TTC6: variants seen among roughly 807,000 people sequenced by gnomAD.
TTC6 encodes the protein tetratricopeptide repeat protein 6.
Under a neutral mutation model 210.4 loss-of-function variants are expected in TTC6, and 172 were observed. The ratio of observed to expected loss-of-function variants is 0.82; its 90% CI spans 0.72 to 0.93. The LOEUF is 0.93. TTC6 is among the 40% of genes least tolerant of loss of function. The pLI, the probability that TTC6 is intolerant of heterozygous loss-of-function variation, is 0.00. For synonymous variants in TTC6, 804 were observed against 819.6 expected, an observed-to-expected ratio of 0.98 and a Z score of 0.32; for missense variants, 2,414 against 2,318.1, an observed-to-expected ratio of 1.04 and a Z score of -0.85.
chr14:37,753,223 A>C (rs1185869287), exon 14 of TTC6: 8 of 1,530,192 alleles, frequency 5.2e-6, no homozygotes, highest in Non-Finnish European at 7.0e-6. Flanking sequence ...GATCACCAAA[A>C]TTCTCAAGCA....
intron 1 of TTC6, among the ~76,000 whole-genome samples, chr14:37,637,292 A>G (rs909793987): frequency 3.3e-5 from 5 of 152,238 alleles, no homozygotes; most frequent in Non-Finnish European, 7.3e-5. Flanking sequence ...GTCTGATCCA[A>G]AGGACAAATT....
intron 14 of TTC6, among the ~76,000 whole-genome samples, chr14:37,774,390 A>G (rs933543257): frequency 7.2e-5 from 11 of 152,082 alleles, no homozygotes; most frequent in Admixed American, 3.3e-4. Flanking sequence ...GGTGTTGAGT[A>G]TAGGTTTGTC....
intron 7 of TTC6, among the ~76,000 whole-genome samples, chr14:37,727,843 T>G (rs1481771478): frequency 7.0e-6 from 1 of 143,478 alleles, no homozygotes; most frequent in African/African-American, 2.5e-5. Flanking sequence ...TCTTAATCCT[T>G]ATTAGCGTAA....
intron 8 of TTC6, 63 bp from the exon 11 acceptor site, chr14:37,737,597 A>G: frequency 1.1e-6 from 1 of 917,832 alleles, no homozygotes; most frequent in Non-Finnish European, 1.6e-6. Flanking sequence ...CAAGTATTAT[A>G]TATTTTAGCT....
At chr14:37,764,078 T>A (rs527715899) in intron 14 of TTC6, among the ~76,000 whole-genome samples, 56 of 152,250 alleles carry the variant, frequency 3.7e-4, no homozygotes, top group Admixed American at 9.8e-4. Flanking sequence ...CACGTACTTG[T>A]GAATTTCCCA....
intron 1 of TTC6, among the ~76,000 whole-genome samples, chr14:37,652,230 T>A (rs1435911750): frequency 6.6e-6 from 1 of 152,112 alleles, no homozygotes; most frequent in African/African-American, 2.4e-5. Context: ...TTTTTATAGG[T>A]AAAAAATGAT....
At chr14:37,817,953 G>A (rs551856226) in intron 26 of TTC6, among the ~76,000 whole-genome samples, 13 of 152,262 alleles carry the variant, frequency 8.5e-5, no homozygotes, top group African/African-American at 2.4e-4. Flanking sequence ...GGAAAGGATC[G>A]TGGCAATATG....
chr14:37,635,702 G>C (rs2095678849), intron 1 of TTC6, among the ~76,000 whole-genome samples: 1 of 152,088 alleles, frequency 6.6e-6, no homozygotes, highest in Non-Finnish European at 1.5e-5. Flanking sequence ...GAGATGGCTG[G>C]GTGCGGTGGC....
chr14:37,812,543 C>T (rs1484892795), intron 25 of TTC6, 110 bp downstream of exon 27: 4 of 1,043,062 alleles, frequency 3.8e-6, no homozygotes, highest in Non-Finnish European at 4.0e-6. Flanking sequence ...GGTAGCTCAA[C>T]TTTAGCAAGA....
chr14:37,706,340 C>T (rs61977077), intron 5 of TTC6, among the ~76,000 whole-genome samples: 42,154 of 151,932 alleles, frequency 0.28, 5,924 homozygotes, highest in South Asian at 0.36. Context: ...CTTCCTGCTT[C>T]CCTGGGGATG....
At chr14:37,738,482 A>G (rs1741236928) in intron 9 of TTC6, among the ~76,000 whole-genome samples, 1 of 152,036 alleles carries the variant, frequency 6.6e-6, no homozygotes, top group Non-Finnish European at 1.5e-5. Flanking sequence ...TATAGAGAGC[A>G]TTCTCTTTCA....
intron 1 of TTC6, among the ~76,000 whole-genome samples, chr14:37,639,715 C>CAAAAAA (rs35837305): frequency 2.7e-5 from 2 of 74,180 alleles, no homozygotes; most frequent in Admixed American, 1.7e-4. Context: ...ACAAGAAATA[C>CAAAAAA]AAAAAAAAAA....
intron 10 of TTC6, among the ~76,000 whole-genome samples, chr14:37,743,293 A>G (rs1485933105): frequency 1.4e-5 from 2 of 146,392 alleles, no homozygotes; most frequent in East Asian, 4.2e-4. Context: ...TCTTTGTATT[A>G]CTTACTTTCA....
intron 7 of TTC6, among the ~76,000 whole-genome samples, chr14:37,728,898 C>T (rs1217519895): frequency 2.0e-5 from 3 of 152,176 alleles, no homozygotes; most frequent in Non-Finnish European, 4.4e-5. Context: ...CTCCTTAATG[C>T]TGTCCTTCTC....
intron 1 of TTC6, among the ~76,000 whole-genome samples, chr14:37,654,667 T>A (rs1186333572): frequency 6.6e-6 from 1 of 152,198 alleles, no homozygotes; most frequent in Non-Finnish European, 1.5e-5. Context: ...ATAGAAAATA[T>A]ATTAAACGTA....
chr14:37,622,390 C>T, exon 1 of TTC6: 1 of 1,532,456 alleles, frequency 6.5e-7, no homozygotes, highest in Non-Finnish European at 8.7e-7. Flanking sequence ...GCGGCGGCTC[C>T]AGGCAAGACC....
chr14:37,806,648 C>A, intron 22 of TTC6, 138 bp downstream of exon 24: 1 of 803,998 alleles, frequency 1.2e-6, no homozygotes, highest in Non-Finnish European at 1.8e-6. Flanking sequence ...TTTTCATAAT[C>A]CAAATAGCTG....
At chr14:37,710,750 T>C (rs532304420) in intron 5 of TTC6, among the ~76,000 whole-genome samples, 3 of 152,268 alleles carry the variant, frequency 2.0e-5, no homozygotes, top group Non-Finnish European at 2.9e-5. Context: ...CTTTCCACTA[T>C]ATCAGTGATT....
intron 2 of TTC6, among the ~76,000 whole-genome samples, chr14:37,682,417 A>G (rs962012438): frequency 6.8e-6 from 1 of 147,964 alleles, no homozygotes; most frequent in Non-Finnish European, 1.5e-5. Flanking sequence ...TTAAAGTTCT[A>G]TTTTACAAAA....
Sources: allele counts gnomAD v4.1 joint callset (sites outside exome capture counted in the v4.1 genomes callset), GRCh38; gene constraint gnomAD v4.1.1; transcripts MANE v1.5; gene names NCBI Gene and HGNC (gene_info 2026-07-23, HGNC 2026-07-21).